JMJD1C: variants seen among roughly 807,000 people sequenced by gnomAD.
JMJD1C encodes the protein jumonji domain containing 1C, also known as jumonji domain-containing protein 1C.
A neutral mutation model predicts 245.3 loss-of-function variants in JMJD1C; 31 were observed. The observed-to-expected ratio is 0.13, with a 90% confidence interval of 0.09 to 0.17. The LOEUF (loss-of-function observed/expected upper bound fraction) is 0.17. Among genes scored for constraint, JMJD1C ranks in the 10% least tolerant of loss-of-function variants. The probability of loss-of-function intolerance (pLI) is 1.00; values close to 1 mark genes in which losing one functional copy is unlikely to be tolerated. For missense variants in JMJD1C, 2,691 were observed against 3,000.2 expected, an observed-to-expected ratio of 0.90 and a Z score of 2.41; for synonymous variants, 1,057 against 1,017.4, an observed-to-expected ratio of 1.04 and a Z score of -0.74.
Position 63,182,205 on chromosome 10 carries a change from T to A in JMJD1C, c.7084+1242A>T, listed in dbSNP as rs901941696. Among the ~76,000 whole-genome samples the A allele has an allele frequency of 2.6e-5, 4 of 152,210 alleles. No individual in the cohort carries two copies. The East Asian group carries it at 5.8e-4, about 22-fold the overall frequency. On this transcript the variant is annotated intron_variant, in intron 22 of 25. Transcript: ENST00000399262. ...TCCACAGAATTTCACAGAAAGTGCATGTGAAGTAGAAAAGGTAGCGAACAT... is the reference window on the plus strand; with the variant it reads ...TCCACAGAATTTCACAGAAAGTGCAAGTGAAGTAGAAAAGGTAGCGAACAT...
intron 2 of JMJD1C, among the ~76,000 whole-genome samples, chr10:63,297,704 C>T (rs1261311098): frequency 1.3e-5 from 2 of 152,152 alleles, no homozygotes; most frequent in Non-Finnish European, 2.9e-5. Flanking sequence ...CAGGTAGCCA[C>T]CCCATGGGAT....
intron 1 of JMJD1C, among the ~76,000 whole-genome samples, chr10:63,444,446 G>A (rs1181567274): frequency 6.6e-6 from 1 of 150,566 alleles, no homozygotes; most frequent in East Asian, 2.0e-4. Flanking sequence ...TCTAATTTTT[G>A]TATTTTTAGT....
upstream of JMJD1C, among the ~76,000 whole-genome samples, chr10:63,470,879 T>G (rs1326902519): frequency 6.6e-6 from 1 of 152,182 alleles, no homozygotes; most frequent in Non-Finnish European, 1.5e-5. Flanking sequence ...CTTTTCAACA[T>G]TCTCTTCTCT....
At chr10:63,287,354 C>A (rs1858108711) in intron 2 of JMJD1C, among the ~76,000 whole-genome samples, 1 of 152,238 alleles carries the variant, frequency 6.6e-6, no homozygotes, top group African/African-American at 2.4e-5. Flanking sequence ...AAGGTTAAAG[C>A]TGTCGTTCCA....
At chr10:63,220,498 G>A (rs978688349) in intron 3 of JMJD1C, among the ~76,000 whole-genome samples, 2 of 152,100 alleles carry the variant, frequency 1.3e-5, no homozygotes, top group African/African-American at 4.8e-5. Context: ...CAGTAATTTT[G>A]CTGCTAAAAA....
chr10:63,424,469 T>G (rs1288222394), intron 1 of JMJD1C, among the ~76,000 whole-genome samples: 2 of 151,454 alleles, frequency 1.3e-5, no homozygotes, highest in African/African-American at 4.8e-5. Flanking sequence ...AACATCATCT[T>G]TAACTTACAC....
chr10:63,289,747 A>G (rs2133932158), intron 2 of JMJD1C, among the ~76,000 whole-genome samples: 1 of 152,266 alleles, frequency 6.6e-6, no homozygotes, highest in South Asian at 2.1e-4. Flanking sequence ...AATTTTTTTA[A>G]AACACAGTTT....
At chr10:63,232,750 G>A (rs974627288) in intron 3 of JMJD1C, among the ~76,000 whole-genome samples, 3 of 152,126 alleles carry the variant, frequency 2.0e-5, no homozygotes, top group Non-Finnish European at 4.4e-5. Flanking sequence ...GAATTTTAAA[G>A]TCTCAAGATT....
At chr10:63,169,025 T>C (rs1842101331) in intron 24 of JMJD1C, among the ~76,000 whole-genome samples, 1 of 152,198 alleles carries the variant, frequency 6.6e-6, no homozygotes, top group South Asian at 2.1e-4. Flanking sequence ...AATGAAACTT[T>C]GTTAGGAACT....
At chr10:63,390,573 TACA>T (rs34365599) in intron 1 of JMJD1C, among the ~76,000 whole-genome samples, 94,612 of 151,470 alleles carry the variant, frequency 0.62, 31,898 homozygotes, top group Non-Finnish European at 0.76. Flanking sequence ...ACAAGAATGC[TACA>T]ACAACAACAA....
At chr10:63,517,786 C>CTTTTTTT (rs11361305) in intron 1 of JMJD1C, among the ~76,000 whole-genome samples, 2 of 72,542 alleles carry the variant, frequency 2.8e-5, no homozygotes, top group East Asian at 3.6e-4. Context: ...CTAATGGCCA[C>CTTTTTTT]TTTTTTTTTT....
At chr10:63,392,550 G>A (rs1948136632) in intron 1 of JMJD1C, among the ~76,000 whole-genome samples, 1 of 152,002 alleles carries the variant, frequency 6.6e-6, no homozygotes, top group South Asian at 2.1e-4. Context: ...CAAAAGGCCG[G>A]GCATGGTGGC....
At chr10:63,256,277 C>T (rs1439749792) in intron 3 of JMJD1C, among the ~76,000 whole-genome samples, 1 of 152,140 alleles carries the variant, frequency 6.6e-6, no homozygotes, top group Non-Finnish European at 1.5e-5. Context: ...CCAATTTTTA[C>T]AAATGAAGAG....
At chr10:63,393,365 A>G (rs1420235248) in intron 1 of JMJD1C, among the ~76,000 whole-genome samples, 1 of 152,226 alleles carries the variant, frequency 6.6e-6, no homozygotes, top group Non-Finnish European at 1.5e-5. Context: ...GAGAAAGGCT[A>G]CTATTAAAAA....
At chr10:63,328,791 G>A (rs1941814864) in intron 2 of JMJD1C, among the ~76,000 whole-genome samples, 1 of 152,162 alleles carries the variant, frequency 6.6e-6, no homozygotes, top group Non-Finnish European at 1.5e-5. Flanking sequence ...AGTTTAATAT[G>A]TACTTTAACT....
intron 1 of JMJD1C, among the ~76,000 whole-genome samples, chr10:63,506,238 T>C (rs1348150521): frequency 6.6e-6 from 1 of 152,142 alleles, no homozygotes; most frequent in Non-Finnish European, 1.5e-5. Flanking sequence ...AAGGAAATGT[T>C]GATGAGAAGA....
chr10:63,187,532 G>A (rs892365187), intron 18 of JMJD1C, among the ~76,000 whole-genome samples: 1 of 152,000 alleles, frequency 6.6e-6, no homozygotes, highest in Non-Finnish European at 1.5e-5. Flanking sequence ...GGACTTACTG[G>A]GCTAAAGCAA....
chr10:63,308,233 C>A (rs972785589), intron 2 of JMJD1C, among the ~76,000 whole-genome samples: 3 of 152,116 alleles, frequency 2.0e-5, no homozygotes. Flanking sequence ...CCCGACTCTG[C>A]ACCCAGAATT....
At chr10:63,196,971 T>C (rs937216991) in intron 13 of JMJD1C, among the ~76,000 whole-genome samples, 4 of 151,184 alleles carry the variant, frequency 2.6e-5, no homozygotes, top group African/African-American at 9.8e-5. Flanking sequence ...TCATTTTTTG[T>C]ATTTTTTTTT....
Sources: allele counts gnomAD v4.1 joint callset (sites outside exome capture counted in the v4.1 genomes callset), GRCh38; gene constraint gnomAD v4.1.1; transcripts MANE v1.5; gene names NCBI Gene and HGNC (gene_info 2026-07-23, HGNC 2026-07-21).